The following TLL1 variants were observed in gnomAD, a reference collection of about 807,000 sequenced individuals.
TLL1 encodes the protein tolloid-like protein 1.
Under a neutral mutation model 128.2 loss-of-function variants are expected in TLL1, and 49 were observed. That is an observed-to-expected ratio of 0.38 (90% confidence interval 0.30 to 0.48). TLL1 has a LOEUF of 0.48. Ranked by LOEUF, TLL1 falls within the 20% of genes least tolerant of loss-of-function variation. The pLI is 0.96. For missense variants in TLL1, 1,123 were observed against 1,242.0 expected (o/e 0.90, Z 1.44); for synonymous variants, 454 against 418.8 (o/e 1.08, Z -1.03).
chr4:165,975,517 A>G (rs549484741), intron 1 of TLL1, among the ~76,000 whole-genome samples: 1 of 152,340 alleles, frequency 6.6e-6, no homozygotes, highest in South Asian at 2.1e-4. Flanking sequence ...CTGAATGACT[A>G]AAAAAGAAAT....
chr4:165,918,086 A>G (rs899587348), intron 1 of TLL1, among the ~76,000 whole-genome samples: 45 of 151,196 alleles, frequency 3.0e-4, no homozygotes, highest in African/African-American at 1.0e-3. Flanking sequence ...ATACATATAC[A>G]CATGCATAAG....
intron 18 of TLL1, among the ~76,000 whole-genome samples, chr4:166,084,354 T>C (rs909505672): frequency 2.6e-5 from 4 of 152,132 alleles, no homozygotes. Context: ...CTCTGTTGAT[T>C]GCTCCCTTTC....
intron 1 of TLL1, chr4:165,920,048 C>A: frequency 4.6e-6 from 1 of 219,194 alleles, no homozygotes; most frequent in African/African-American, 2.3e-5. Context: ...AGCATCATAC[C>A]CCAAAATACT....
intron 1 of TLL1, among the ~76,000 whole-genome samples, chr4:165,889,968 A>T (rs771743495): frequency 2.0e-5 from 3 of 152,156 alleles, no homozygotes; most frequent in Non-Finnish European, 4.4e-5. Flanking sequence ...TAAAGGAAAG[A>T]GGTTTAATTG....
At chr4:166,039,069 GA>G (rs1383470532) in intron 9 of TLL1, among the ~76,000 whole-genome samples, 20 of 151,538 alleles carry the variant, frequency 1.3e-4, no homozygotes, top group African/African-American at 4.6e-4. Context: ...TAACTTTACA[GA>G]AACTTTTTGT....
Position 166,057,216 on chromosome 4 carries a change from G to T in TLL1, c.1753G>T (p.Gly585Cys). Residue 585 changes from glycine (G) to cysteine (C), a missense_variant, in exon 14 of 21, where the codon GGC (glycine) becomes TGC (cysteine). Coordinates refer to ENST00000061240, the MANE Select transcript of TLL1 (RefSeq NM_012464.5). ...TGAGTGTGCCAAACCTGACCGTGGA[G>T]GCTGTGAGCAGCGATGTCTGAACAC... The part of the protein sequence containing the change: ...EDECAKPDRG[G>C]CEQRCLNTLG... 1 of 1,613,858 alleles carries T rather than the reference G, an allele frequency of 6.2e-7. No homozygotes were observed. The highest frequency in any genetic ancestry group is 8.5e-7 in the Non-Finnish European group (1 of 1,179,920).
chr4:166,082,606 A>T (rs1436288005), intron 18 of TLL1, among the ~76,000 whole-genome samples: 1 of 152,132 alleles, frequency 6.6e-6, no homozygotes, highest in Admixed American at 6.6e-5. Context: ...TTTCATCAAG[A>T]TGTTACAATG....
intron 5 of TLL1, 61 bp from the exon 6 acceptor site, chr4:166,003,330 A>T (rs1737254193): frequency 1.3e-6 from 2 of 1,573,556 alleles, no homozygotes; most frequent in East Asian, 4.5e-5. Flanking sequence ...AAAATTCACC[A>T]TATTGTCAGT....
Position 166,102,061 on chromosome 4 carries a change from A to G in TLL1, c.*1185A>G, listed in dbSNP as rs1742314562. 6.6e-6 allele frequency: 1 copy of G among 152,482 alleles called. No individual in the cohort carries two copies. Among genetic ancestry groups the G allele is most frequent in the Non-Finnish European group, 1.5e-5 (1 of 67,956 alleles). The allele number at this position is 152,482 out of a possible 1,614,324, so 9.4% of individuals were successfully genotyped here. On this transcript the variant is annotated 3_prime_UTR_variant, in exon 21 of 21. Coordinates refer to ENST00000061240, the MANE Select transcript of TLL1 (RefSeq NM_012464.5). ...CGAATGTCTCCCTATGGCTGGTAGCATTTGAAGACTAAAGACTTGTCAAAT... is the reference window on the plus strand; with the variant it reads ...CGAATGTCTCCCTATGGCTGGTAGCGTTTGAAGACTAAAGACTTGTCAAAT...
chr4:165,904,425 G>T (rs1186300137), intron 1 of TLL1, among the ~76,000 whole-genome samples: 1 of 152,192 alleles, frequency 6.6e-6, no homozygotes, highest in Middle Eastern at 3.4e-3. Flanking sequence ...GTTCTGTGAA[G>T]GTGAATTTGA....
At chr4:165,876,671 C>G (rs372108552) in intron 1 of TLL1, among the ~76,000 whole-genome samples, 16 of 152,182 alleles carry the variant, frequency 1.1e-4, no homozygotes, top group African/African-American at 2.7e-4. Context: ...AAAGCAGAGG[C>G]CCAGTGAGGT....
At chr4:166,068,999 G>T (rs2111129831) in intron 16 of TLL1, among the ~76,000 whole-genome samples, 1 of 151,526 alleles carries the variant, frequency 6.6e-6, no homozygotes, top group South Asian at 2.1e-4. Flanking sequence ...GATGCATTAT[G>T]GTTTTCTCCA....
intron 1 of TLL1, among the ~76,000 whole-genome samples, chr4:165,964,575 G>A (rs573605390): frequency 1.4e-4 from 21 of 152,254 alleles, no homozygotes; most frequent in Non-Finnish European, 2.8e-4. Flanking sequence ...AGTCTCACAT[G>A]TTGCAATTCC....
chr4:165,979,431 T>A (rs534988909), intron 1 of TLL1, among the ~76,000 whole-genome samples: 1 of 152,062 alleles, frequency 6.6e-6, no homozygotes, highest in African/African-American at 2.4e-5. Context: ...TTTAATGATA[T>A]TTATATAATA....
intron 1 of TLL1, among the ~76,000 whole-genome samples, chr4:165,881,600 A>C (rs189458630): frequency 1.7e-3 from 261 of 152,372 alleles, no homozygotes; most frequent in Non-Finnish European, 2.8e-3. Flanking sequence ...CCAGTGTTTT[A>C]TAATCACATG....
chr4:166,025,969 C>G (rs931362991), intron 9 of TLL1, among the ~76,000 whole-genome samples: 64 of 151,174 alleles, frequency 4.2e-4, no homozygotes, highest in African/African-American at 1.5e-3. Flanking sequence ...AGAAAAAGAG[C>G]AATAAAATAA....
At chr4:166,099,647 ACATTGTATT>A in intron 20 of TLL1, 120 bp downstream of exon 20, 1 of 1,281,706 alleles carries the variant, frequency 7.8e-7, no homozygotes, top group Non-Finnish European at 1.1e-6. Context: ...AAAAAAGGCT[ACATTGTATT>A]ATAAATGGCT....
At chr4:165,961,315 C>G (rs1325651571) in intron 1 of TLL1, among the ~76,000 whole-genome samples, 1 of 152,014 alleles carries the variant, frequency 6.6e-6, no homozygotes, top group Non-Finnish European at 1.5e-5. Context: ...TGAAAGAAAT[C>G]AGACATGTCA....
At chr4:166,011,804 T>C (rs1737706844) in intron 7 of TLL1, among the ~76,000 whole-genome samples, 1 of 151,500 alleles carries the variant, frequency 6.6e-6, no homozygotes, top group Admixed American at 6.6e-5. Context: ...TTGAGGTAGC[T>C]TCCTCCTATT....
Sources: gnomAD v4.1 joint callset for allele counts (sites outside exome capture counted in the v4.1 genomes callset) on GRCh38, gnomAD v4.1.1 for gene constraint, MANE v1.5 for transcripts, NCBI Gene and HGNC (gene_info 2026-07-23, HGNC 2026-07-21) for gene names.